Variants in ARHGAP26 observed in about 807,000 individuals in gnomAD.
ARHGAP26 encodes Rho GTPase activating protein 26.
A neutral mutation model predicts 104.8 loss-of-function variants in ARHGAP26; 38 were observed. The ratio of observed to expected loss-of-function variants is 0.36; its 90% CI spans 0.28 to 0.48. The LOEUF (loss-of-function observed/expected upper bound fraction) is 0.48, where lower values mean the gene tolerates loss of function less well. Among genes scored for constraint, ARHGAP26 ranks in the 20% least tolerant of loss-of-function variants. The probability of loss-of-function intolerance (pLI) is 0.99; values close to 1 mark genes in which losing one functional copy is unlikely to be tolerated. For synonymous variants in ARHGAP26, 341 were observed against 340.0 expected (o/e 1.00, Z -0.03); for missense variants, 704 against 947.9 (o/e 0.74, Z 3.38).
chr5:143,046,161 C>T (rs573205465), intron 14 of ARHGAP26, among the ~76,000 whole-genome samples: 33 of 151,046 alleles, frequency 2.2e-4, no homozygotes, highest in Non-Finnish European at 3.5e-4. Context: ...AAAAATTAGC[C>T]GGGTGTGGTG....
intron 1 of ARHGAP26, among the ~76,000 whole-genome samples, chr5:142,802,518 A>G (rs1023796309): frequency 6.6e-6 from 1 of 152,206 alleles, no homozygotes; most frequent in Non-Finnish European, 1.5e-5. Context: ...TGTTGAGGAC[A>G]AAAAAATTGG....
At chr5:142,834,379 G>A (rs1769137780) in intron 1 of ARHGAP26, among the ~76,000 whole-genome samples, 1 of 152,166 alleles carries the variant, frequency 6.6e-6, no homozygotes, top group Non-Finnish European at 1.5e-5. Flanking sequence ...GCCTCCTGTT[G>A]AGTTTAAGAA....
chr5:142,814,761 C>T (rs1186370880), intron 1 of ARHGAP26, among the ~76,000 whole-genome samples: 1 of 152,212 alleles, frequency 6.6e-6, no homozygotes, highest in East Asian at 1.9e-4. Flanking sequence ...TATTTAACCT[C>T]TCTGGGCTTC....
rs779395323 is a variant in ARHGAP26, at chr5:143,147,326, A to C, written c.1933A>C (p.Met645Leu). ...TTCCAGCAGCAGCTTACAGCCCAAC[A>C]TGAACTCCAGTGACCCAGACCTGGC... ...LNSSSSLQPNMNSSDPDLAVV... is the reference protein window; with the variant it reads ...LNSSSSLQPNLNSSDPDLAVV... The change falls in exon 20 of 23, where the codon ATG becomes CTG. Residue 645 changes from methionine (M) to leucine (L), a missense_variant. Met to Leu is a conservative substitution (Grantham distance 15). Transcript: ENST00000645722. The C allele has an allele frequency of 6.8e-6, 11 of 1,613,948 alleles. No individual in the cohort carries two copies. The South Asian group carries it at 1.1e-4, about 16-fold the overall frequency.
chr5:142,999,726 T>C (rs1776930225), intron 11 of ARHGAP26, among the ~76,000 whole-genome samples: 1 of 152,128 alleles, frequency 6.6e-6, no homozygotes, highest in Admixed American at 6.6e-5. Context: ...GCAAAAGTTA[T>C]GTAATAGGAC....
intron 11 of ARHGAP26, among the ~76,000 whole-genome samples, chr5:142,956,456 A>G (rs1329535486): frequency 6.6e-6 from 1 of 152,158 alleles, no homozygotes; most frequent in Admixed American, 6.5e-5. Flanking sequence ...CCATGCCTGT[A>G]GTCCCAGCTA....
intron 1 of ARHGAP26, among the ~76,000 whole-genome samples, chr5:142,773,823 G>A (rs1217962475): frequency 1.3e-5 from 2 of 152,128 alleles, no homozygotes; most frequent in African/African-American, 2.4e-5. Flanking sequence ...TGAACAGAGA[G>A]GCCAAAAACC....
chr5:142,793,252 C>CTTTTTTTTTTTTTTTTTT (rs56941301), intron 1 of ARHGAP26, among the ~76,000 whole-genome samples: 1 of 107,174 alleles, frequency 9.3e-6, no homozygotes, highest in African/African-American at 4.0e-5. Flanking sequence ...TATCCCTTTG[C>CTTTTTTTTTTTTTTTTTT]TTTTTTTTTT....
At chr5:142,999,612 C>T (rs1776911285) in intron 11 of ARHGAP26, among the ~76,000 whole-genome samples, 1 of 151,854 alleles carries the variant, frequency 6.6e-6, no homozygotes. Context: ...TTTCTGGCTG[C>T]TGTGGGGGTT....
rs1181949445 is a variant in ARHGAP26, at chr5:142,871,467, G to T, written c.155-1933G>T. 6.6e-6 allele frequency among the ~76,000 whole-genome samples: 1 copy of T among 152,176 alleles called. No individual in the cohort carries two copies. The highest frequency in any genetic ancestry group is 1.5e-5 in the Non-Finnish European group (1 of 68,014). On this transcript the variant is annotated intron_variant, in intron 1 of 22. Transcript: ENST00000645722. The surrounding 1 kb of genome is among the most constrained non-coding windows in gnomAD (Gnocchi z 4.1). ...GGGGAGGCACAGGATTGTCGGGTGG[G>T]TAGAAAGGCAAACCTGTGTTACTCT...
At chr5:142,924,126 T>C in intron 10 of ARHGAP26, among the ~76,000 whole-genome samples, 1 of 152,110 alleles carries the variant, frequency 6.6e-6, no homozygotes. Context: ...CATCCCAAAG[T>C]GCTGAGAGGA....
chr5:143,197,768 AT>A (rs995710300), intron 20 of ARHGAP26, among the ~76,000 whole-genome samples: 3 of 152,130 alleles, frequency 2.0e-5, no homozygotes, highest in Non-Finnish European at 4.4e-5. Context: ...TGCCTTTGGC[AT>A]TTAGGTCTAT....
At chr5:142,967,499 A>ATTT (rs1771573452) in intron 11 of ARHGAP26, among the ~76,000 whole-genome samples, 2 of 152,178 alleles carry the variant, frequency 1.3e-5, no homozygotes, top group African/African-American at 4.8e-5. Context: ...AGAATTTAAG[A>ATTT]GGCCGGGTGC....
intron 1 of ARHGAP26, among the ~76,000 whole-genome samples, chr5:142,788,836 A>G (rs1759194798): frequency 1.3e-5 from 2 of 152,234 alleles, no homozygotes; most frequent in African/African-American, 2.4e-5. Context: ...GCAGTAGAAT[A>G]TCTCCACCAT....
In ARHGAP26 at chr5:142,903,539, G is replaced by C; in HGVS notation, c.703-1G>C. 1 of 1,611,768 alleles carries C rather than the reference G, an allele frequency of 6.2e-7. No individual in the cohort carries two copies. The highest frequency in any genetic ancestry group is 2.2e-5 in the East Asian group (1 of 44,856). ...TTTGAATAAAATTATTTTCATCCTA[G>C]ACAAGAAATCGCTTTGAAGGCACTA... On this transcript the variant is annotated splice_acceptor_variant, in intron 7 of 22. Coordinates refer to ENST00000645722, the MANE Select transcript of ARHGAP26 (RefSeq NM_001135608.3). LOFTEE classifies it high-confidence loss of function.
At position 142,799,957 on chromosome 5, in the gene ARHGAP26, A is replaced by C. The variant is rs557124239; in HGVS notation, c.154+29042A>C. ...AATGTAATTGACTTCACAGCTGCTT[A>C]TTCACATGCTTGAGTCACTGGCCTG... On this transcript the variant is annotated intron_variant, in intron 1 of 22. Coordinates refer to ENST00000645722, the MANE Select transcript of ARHGAP26 (RefSeq NM_001135608.3). Among the ~76,000 whole-genome samples the C allele has an allele frequency of 5.3e-5, 8 of 152,364 alleles. No homozygotes were observed. The South Asian group carries it at 1.0e-3, about 20-fold the overall frequency.
intron 11 of ARHGAP26, among the ~76,000 whole-genome samples, chr5:142,983,816 T>C (rs1774296501): frequency 6.6e-6 from 1 of 152,218 alleles, no homozygotes. Flanking sequence ...TAGACACACA[T>C]CTATTCATAT....
At chr5:142,878,068 T>C (rs1006010422) in intron 3 of ARHGAP26, among the ~76,000 whole-genome samples, 1 of 152,246 alleles carries the variant, frequency 6.6e-6, no homozygotes, top group South Asian at 2.1e-4. Flanking sequence ...ATTTGGAGAC[T>C]TGACTTTTTC....
At chr5:142,825,487 C>G (rs1767057983) in intron 1 of ARHGAP26, among the ~76,000 whole-genome samples, 1 of 152,170 alleles carries the variant, frequency 6.6e-6, no homozygotes, top group Admixed American at 6.5e-5. Context: ...GTTGTCCAGC[C>G]CAGCAGGGGA....
Sources: allele counts gnomAD v4.1 joint callset (sites outside exome capture counted in the v4.1 genomes callset), GRCh38; gene constraint gnomAD v4.1.1; non-coding constraint Gnocchi (gnomAD v3.1); transcripts MANE v1.5; gene names NCBI Gene and HGNC (gene_info 2026-07-23, HGNC 2026-07-21).